Variants in HTT observed in about 807,000 individuals in gnomAD.
HTT encodes the protein huntington disease protein.
Under a neutral mutation model 362.3 loss-of-function variants are expected in HTT, and 104 were observed. That is an observed-to-expected ratio of 0.29 (90% CI 0.24 to 0.34). The LOEUF (loss-of-function observed/expected upper bound fraction) is 0.34, where lower values mean the gene tolerates loss of function less well. Ranked by LOEUF, HTT falls within the 10% of genes least tolerant of loss-of-function variation. The pLI is 1.00. For synonymous variants in HTT, 1,577 were observed against 1,548.7 expected (o/e 1.02, Z -0.43); for missense variants, 3,301 against 3,928.6 (o/e 0.84, Z 4.27).
chr4:3,207,283 C>G lies in HTT; in HGVS notation c.6078C>G (p.Ser2026Arg), dbSNP rs1240248129. Residue 2026 changes from serine (S) to arginine (R), a missense_variant and splice_region_variant, in exon 45 of 67, where the codon AGC (serine) becomes AGG (arginine). Around this residue, in one of 4 missense-constraint regions of HTT, gnomAD observed 2,316 missense variants for 2,658.5 expected, o/e 0.87. Transcript: ENST00000355072. ...ACTAATGTGTTTTTGTCTATTAGAG[C>G]AGCATGGCCCAGTTGCCAATGGAAG... ...VEMLLAANLQSSMAQLPMEEL... is the reference protein window; with the variant it reads ...VEMLLAANLQRSMAQLPMEEL... 6.2e-7 allele frequency: 1 copy of G among 1,613,434 alleles called. No individual in the cohort carries two copies. The highest frequency in any genetic ancestry group is 2.2e-5 in the East Asian group (1 of 44,888).
At chr4:3,094,378 A>G (rs919696589) in intron 2 of HTT, among the ~76,000 whole-genome samples, 4 of 152,144 alleles carry the variant, frequency 2.6e-5, no homozygotes, top group African/African-American at 7.2e-5. Context: ...CTCCTTTTCT[A>G]TTCGACAAAA....
chr4:3,191,734 A>T (rs145916786), intron 40 of HTT, among the ~76,000 whole-genome samples: 3 of 152,204 alleles, frequency 2.0e-5, no homozygotes, highest in Admixed American at 6.5e-5. Context: ...GAGGTCTCCA[A>T]ATAGAACTAA....
At chr4:3,188,059 T>A (rs1718848608) in intron 39 of HTT, 173 bp downstream of exon 39, 1 of 578,932 alleles carries the variant, frequency 1.7e-6, no homozygotes, top group Non-Finnish European at 3.1e-6. Flanking sequence ...TGGCTCTTGG[T>A]TCATACCTGT....
At chr4:3,183,191 C>G (rs1466898326) in intron 37 of HTT, among the ~76,000 whole-genome samples, 1 of 152,236 alleles carries the variant, frequency 6.6e-6, no homozygotes, top group Admixed American at 6.5e-5. Context: ...CTATTCATCA[C>G]TAATCAGAAT....
Position 3,220,279 on chromosome 4 carries a change from A to G in HTT, c.7340A>G (p.Lys2447Arg). ...TTCCTCCAGGAAAAGGAAGTCTTTA[A>G]GGAGTTCATCTACCGCATCAACACA... The part of the protein sequence containing the change: ...VEFLQEKEVF[K>R]EFIYRINTLG... The change falls in exon 53 of 67, where the codon AAG becomes AGG. Residue 2447 changes from lysine (K) to arginine (R), a missense_variant. Physicochemically the swap from Lys to Arg is conservative, Grantham distance 26 (BLOSUM62 2). This residue lies in a region of HTT where 753 missense variants were observed against 1,021.3 expected (regional missense o/e 0.74). Transcript: ENST00000355072. 2 of 1,614,152 alleles carry G rather than the reference A, an allele frequency of 1.2e-6. No homozygotes were observed. Among genetic ancestry groups the G allele is most frequent in the Non-Finnish European group, 1.7e-6 (2 of 1,179,994 alleles).
chr4:3,221,728 G>A (rs1213209299), intron 53 of HTT, among the ~76,000 whole-genome samples: 1 of 152,198 alleles, frequency 6.6e-6, no homozygotes, highest in Non-Finnish European at 1.5e-5. Flanking sequence ...AGAAACAACT[G>A]TTCGTTAGAT....
At chr4:3,215,021 T>C (rs1448281965) in intron 50 of HTT, 89 bp from the exon 51 acceptor site, 6 of 1,090,776 alleles carry the variant, frequency 5.5e-6, no homozygotes, top group South Asian at 4.3e-5. Flanking sequence ...CTTTCAACTT[T>C]TGTGAGGCTG....
At chr4:3,177,220 C>T (rs1212231717) in intron 33 of HTT, 112 bp from the exon 34 acceptor site, 3 of 728,846 alleles carry the variant, frequency 4.1e-6, no homozygotes, top group East Asian at 2.7e-5. Flanking sequence ...TCAAATTTAT[C>T]AGCTGTCAAG....
chr4:3,124,473 T>C (rs576338974), intron 10 of HTT, among the ~76,000 whole-genome samples: 16 of 152,292 alleles, frequency 1.1e-4, no homozygotes, highest in African/African-American at 3.9e-4. Context: ...TAGAGTTGTG[T>C]TGGATATAGG....
chr4:3,193,700 C>T (rs1467033276), intron 40 of HTT, among the ~76,000 whole-genome samples: 1 of 152,214 alleles, frequency 6.6e-6, no homozygotes, highest in African/African-American at 2.4e-5. Flanking sequence ...ATGTGGTGTT[C>T]TGTACCTGAA....
intron 47 of HTT, 55 bp downstream of exon 47, chr4:3,210,004 G>C (rs1720072420): frequency 1.3e-6 from 2 of 1,597,072 alleles, no homozygotes; most frequent in Non-Finnish European, 1.7e-6. Flanking sequence ...TGACTTCCAA[G>C]TGGGATTTGT....
At chr4:3,179,408 T>C (rs1158090708) in intron 35 of HTT, among the ~76,000 whole-genome samples, 3 of 152,172 alleles carry the variant, frequency 2.0e-5, no homozygotes, top group African/African-American at 4.8e-5. Flanking sequence ...AGCTTGGTCA[T>C]CTGTGAGAGG....
Position 3,148,072 on chromosome 4 carries a change from G to C in HTT, c.3363G>C (p.Lys1121Asn). 4 of 1,614,184 alleles carry C rather than the reference G, an allele frequency of 2.5e-6. No individual in the cohort carries two copies. The highest frequency in any genetic ancestry group is 1.7e-5 in the Admixed American group (1 of 60,018). ...AAGAAGCCAACCCAGCAGCCACCAA[G>C]CAAGAGGAGGTCTGGCCAGCCCTGG... ...SEEEANPAAT[K>N]QEEVWPALGD... The change falls in exon 26 of 67, where the codon AAG becomes AAC. Residue 1121 changes from lysine to asparagine, a missense_variant. Coordinates refer to ENST00000355072, the MANE Select transcript of HTT (RefSeq NM_001388492.1).
rs771269259 is a variant in HTT at position 3,212,608 on chromosome 4, C to T, written c.6673C>T (p.Leu2225=). 1 of 1,614,240 alleles carries T rather than the reference C, an allele frequency of 6.2e-7. No homozygotes were observed. The highest frequency in any genetic ancestry group is 1.1e-5 in the South Asian group (1 of 91,090). ...GTCCCTGCCCACTCTGGCCCGGGCC[C>T]TGGCACAGTACCTGGTGGTGGTCTC... ...YQSLPTLARA[L]AQYLVVVSKL... Residue 2225 remains leucine (L), a synonymous_variant, in exon 49 of 67, where the codon CTG becomes TTG. Coordinates refer to ENST00000355072, the MANE Select transcript of HTT (RefSeq NM_001388492.1).
chr4:3,108,497 C>T (rs1452912673), intron 6 of HTT, among the ~76,000 whole-genome samples: 1 of 152,158 alleles, frequency 6.6e-6, no homozygotes, highest in African/African-American at 2.4e-5. Context: ...CTCCACAGCG[C>T]CAGTTTGCCC....
At position 3,135,846 on chromosome 4, in the gene HTT, C is replaced by T. The variant is rs79286162; in HGVS notation, c.2634-58C>T. 2,098 of 1,386,884 alleles carry T rather than the reference C, an allele frequency of 1.5e-3. 19 individuals are homozygous for T. The African/African-American group carries it at 0.023, about 15-fold the overall frequency. 85.9% of individuals were successfully genotyped at this position (1,386,884 alleles called of 1,614,324 possible). ...ATGAGCCTGCTCTGGAGCAAGCTGG[C>T]GGTAAGTGTTTACTGAGTAACTAAA... On this transcript the variant is annotated intron_variant, in intron 19 of 66. Transcript: ENST00000355072.
At chr4:3,234,959 G>A (rs1721450372) in intron 61 of HTT, among the ~76,000 whole-genome samples, 1 of 152,202 alleles carries the variant, frequency 6.6e-6, no homozygotes. Context: ...ACTGGCCTGG[G>A]GTGTGGGAAT....
intron 26 of HTT, among the ~76,000 whole-genome samples, chr4:3,151,751 C>G (rs1053840050): frequency 3.3e-5 from 5 of 152,160 alleles, no homozygotes; most frequent in Admixed American, 6.5e-5. Flanking sequence ...CAGAACCGGT[C>G]CCTGGTGCCA....
chr4:3,110,075 T>C (rs1714670929), intron 6 of HTT, among the ~76,000 whole-genome samples: 1 of 152,166 alleles, frequency 6.6e-6, no homozygotes, highest in Admixed American at 6.5e-5. Context: ...TGTTCAATCT[T>C]CTTCCAGATC....
Sources: gnomAD v4.1 joint callset for allele counts (sites outside exome capture counted in the v4.1 genomes callset) on GRCh38, gnomAD v4.1.1 for gene constraint, gnomAD v4.1.1 regional missense constraint, MANE v1.5 for transcripts, NCBI Gene and HGNC (gene_info 2026-07-23, HGNC 2026-07-21) for gene names.